Variants in ABCB4 observed in about 807,000 individuals in gnomAD.
ABCB4 encodes phosphatidylcholine translocator ABCB4.
Under a neutral mutation model 145.7 loss-of-function variants are expected in ABCB4, and 76 were observed. That is an observed-to-expected ratio of 0.52 (90% CI 0.43 to 0.63). ABCB4 has a LOEUF of 0.63. Among genes scored for constraint, ABCB4 ranks in the 30% least tolerant of loss-of-function variants. The pLI, the probability that ABCB4 is intolerant of heterozygous loss-of-function variation, is 0.00. For missense variants in ABCB4, 1,234 were observed against 1,553.1 expected (o/e 0.79, Z 3.45); for synonymous variants, 517 against 566.8 (o/e 0.91, Z 1.25).
the ABCB4 span, among the ~76,000 whole-genome samples, chr7:87,370,752 G>A: frequency 2.6e-5 from 4 of 152,116 alleles, no homozygotes; most frequent in Non-Finnish European, 5.9e-5. Context: ...GTTGTTTACA[G>A]TTTGCATTAT....
At position 87,452,710 on chromosome 7, in the gene ABCB4, C is replaced by T. The variant is rs538234063; in HGVS notation, c.536+234G>A. On this transcript the variant is annotated intron_variant, in intron 6 of 27. Coordinates refer to ENST00000649586, the MANE Select transcript of ABCB4 (RefSeq NM_000443.4). ...AGTAGAAAGTTCCATGAGAAATAAA[C>T]AGGTATAAGATGTGAATTCAGTCCT... 1.9e-4 allele frequency: 108 copies of T among 570,230 alleles called. 2 individuals carry two copies. The Middle Eastern group carries it at 2.3e-3, about 12-fold the overall frequency. The allele number at this position is 570,230 out of a possible 1,614,324, so 35.3% of individuals were successfully genotyped here.
chr7:87,451,900 C>G (rs1584763867), intron 6 of ABCB4, 106 bp from the exon 7 acceptor site: 1 of 1,057,202 alleles, frequency 9.5e-7, no homozygotes, highest in Non-Finnish European at 1.5e-6. Flanking sequence ...TCACTGACTG[C>G]AAGCCTCTTT....
At chr7:87,419,804 A>AAAC (rs1470914768) in intron 19 of ABCB4, among the ~76,000 whole-genome samples, 194 bp downstream of exon 19, 1 of 128,086 alleles carries the variant, frequency 7.8e-6, no homozygotes, top group Non-Finnish European at 1.6e-5. Context: ...AAACAAAAAC[A>AAAC]AAAAAAAAAC....
At chr7:87,420,309 T>C (rs556609068) in intron 18 of ABCB4, among the ~76,000 whole-genome samples, 1 of 152,150 alleles carries the variant, frequency 6.6e-6, no homozygotes, top group Non-Finnish European at 1.5e-5. Flanking sequence ...AGACACCACA[T>C]GGCAGGATGC....
At chr7:87,451,956 C>A in intron 6 of ABCB4, 162 bp from the exon 7 acceptor site, 3 of 696,736 alleles carry the variant, frequency 4.3e-6, no homozygotes, top group Non-Finnish European at 7.7e-6. Context: ...CTAAACACCG[C>A]ACAAAGGAAG....
At chr7:87,448,043 T>G (rs1269981865) in intron 8 of ABCB4, among the ~76,000 whole-genome samples, 3 of 152,218 alleles carry the variant, frequency 2.0e-5, no homozygotes, top group Non-Finnish European at 4.4e-5. Flanking sequence ...TGAATCATAA[T>G]TCAAATGCAT....
chr7:87,391,822 T>G, the ABCB4 span: 5 of 1,076,566 alleles, frequency 4.6e-6, no homozygotes, highest in Non-Finnish European at 6.7e-6. Flanking sequence ...ATCATTAAAA[T>G]ACTTTGAGAC....
chr7:87,440,407 A>G lies in ABCB4; in HGVS notation c.1357-5T>C. ...ATCCTGCCCATCAATGTTAATCTGA[A>G]AGAAAGAAATATTTCCTATTAAGTA... is the stretch of plus-strand genomic sequence containing the variant. On this transcript the variant is annotated splice_polypyrimidine_tract_variant and splice_region_variant and intron_variant, in intron 12 of 27. Transcript: ENST00000649586. 6.2e-7 allele frequency: 1 copy of G among 1,612,436 alleles called. No individual in the cohort carries two copies. Among genetic ancestry groups the G allele is most frequent in the Non-Finnish European group, 8.5e-7 (1 of 1,178,542 alleles).
chr7:87,426,698 T>C (rs1809835587), intron 16 of ABCB4, 52 bp downstream of exon 16: 3 of 1,561,922 alleles, frequency 1.9e-6, no homozygotes, highest in African/African-American at 1.4e-5. Context: ...ATTTCAATAA[T>C]TGTAGCAAAA....
At position 87,417,487 on chromosome 7, in the gene ABCB4, G is replaced by A; in HGVS notation, c.2507C>T (p.Ala836Val). The A allele has an allele frequency of 1.9e-6, 3 of 1,614,142 alleles. No individual in the cohort carries two copies. Among genetic ancestry groups the A allele is most frequent in the Non-Finnish European group, 2.5e-6 (3 of 1,180,012 alleles). The change falls in exon 21 of 28, where the codon GCA (alanine) becomes GTA (valine). Residue 836 changes from alanine (A) to valine (V), a missense_variant. Ala to Val is a moderately conservative substitution (Grantham distance 64). This residue lies in a region of ABCB4 where 321 missense variants were observed against 332.6 expected (regional missense o/e 0.97). Coordinates refer to ENST00000649586, the MANE Select transcript of ABCB4 (RefSeq NM_000443.4). Reference sequence around the variant, plus strand: ...AGTTCCAAGGTTAGCTATATTCTGTGCAATTAAAGCCAACCTGGTTCCTGT... The same window carrying A: ...AGTTCCAAGGTTAGCTATATTCTGTACAATTAAAGCCAACCTGGTTCCTGT... ...GATGTRLALI[A>V]QNIANLGTGI...
At chr7:87,386,177 C>T in the ABCB4 span, among the ~76,000 whole-genome samples, 2 of 152,130 alleles carry the variant, frequency 1.3e-5, no homozygotes, top group Admixed American at 1.3e-4. Flanking sequence ...ATGCTGTCTT[C>T]ATAGAATGAG....
chr7:87,414,041 C>T (rs914163472), intron 21 of ABCB4, among the ~76,000 whole-genome samples: 5 of 152,188 alleles, frequency 3.3e-5, no homozygotes, highest in African/African-American at 1.2e-4. Context: ...GCCTTAGTCA[C>T]AACCCCTTTG....
intron 9 of ABCB4, among the ~76,000 whole-genome samples, chr7:87,446,638 G>T (rs1811362263): frequency 1.3e-5 from 2 of 152,134 alleles, no homozygotes; most frequent in African/African-American, 4.8e-5. Context: ...AGAGCTGATT[G>T]TTTTAAGTGA....
the ABCB4 span, among the ~76,000 whole-genome samples, chr7:87,380,648 A>G: frequency 6.6e-6 from 1 of 152,224 alleles, no homozygotes. Flanking sequence ...TCAGGATAGC[A>G]TTGGAATTTT....
Position 87,472,655 on chromosome 7 carries a change from G to GT in ABCB4, c.100dup (p.Thr34AsnfsTer21), listed in dbSNP as rs1554417376. ...TACTCCAATCATTTTCACTGTCTTCGTTTTTTTCCTTTTTTGTTTGCTGTA... is the reference window on the plus strand; with the variant it reads ...TACTCCAATCATTTTCACTGTCTTCGTTTTTTTTCCTTTTTTGTTTGCTGTA... On this transcript the variant is annotated frameshift_variant, in exon 3 of 28. Coordinates refer to ENST00000649586, the MANE Select transcript of ABCB4 (RefSeq NM_000443.4). LOFTEE classifies it high-confidence loss of function. 4 of 1,608,134 alleles carry GT rather than the reference G, an allele frequency of 2.5e-6. No homozygotes were observed. The highest frequency in any genetic ancestry group is 1.3e-5 in the African/African-American group (1 of 74,806).
At chr7:87,408,355 A>G in intron 24 of ABCB4, 121 bp from the exon 25 acceptor site, 2 of 1,051,070 alleles carry the variant, frequency 1.9e-6, no homozygotes, top group South Asian at 1.4e-5. Flanking sequence ...CATATTTGGT[A>G]TAGTTCTGGT....
At position 87,409,397 on chromosome 7, in the gene ABCB4, A is replaced by G; in HGVS notation, c.2925-5T>C. 6.2e-7 allele frequency: 1 copy of G among 1,613,870 alleles called. No homozygotes were observed. The highest frequency in any genetic ancestry group is 1.1e-5 in the South Asian group (1 of 91,078). On this transcript the variant is annotated splice_polypyrimidine_tract_variant and splice_region_variant and intron_variant, in intron 23 of 27. Coordinates refer to ENST00000649586, the MANE Select transcript of ABCB4 (RefSeq NM_000443.4). Reference sequence around the variant, plus strand: ...AATACAATTGCAGAAAACACCCTAGACAGAAGTAGAGGAATTCAAAAATTA... The same window carrying G: ...AATACAATTGCAGAAAACACCCTAGGCAGAAGTAGAGGAATTCAAAAATTA...
At chr7:87,391,354 G>A in the ABCB4 span, among the ~76,000 whole-genome samples, 11 of 152,178 alleles carry the variant, frequency 7.2e-5, no homozygotes, top group Admixed American at 1.3e-4. Context: ...GGCCATCTTA[G>A]AGGCTGTAAT....
At chr7:87,472,942 T>C (rs1191314299) in intron 2 of ABCB4, among the ~76,000 whole-genome samples, 1 of 152,212 alleles carries the variant, frequency 6.6e-6, no homozygotes, top group Non-Finnish European at 1.5e-5. Flanking sequence ...ATGCTAACAG[T>C]GTCGCTAAGT....
Sources: allele counts gnomAD v4.1 joint callset (sites outside exome capture counted in the v4.1 genomes callset), GRCh38; gene constraint gnomAD v4.1.1; regional missense constraint gnomAD v4.1.1; transcripts MANE v1.5; gene names NCBI Gene and HGNC (gene_info 2026-07-23, HGNC 2026-07-21).